The following MAGED1 variants were observed in gnomAD, a reference collection of about 807,000 sequenced individuals.
MAGED1 encodes MAGE family member D1.
In MAGED1, 3 loss-of-function variants were observed where a neutral mutation model predicts 54.1. That is an observed-to-expected ratio of 0.06 (90% CI 0.03 to 0.14). The LOEUF (loss-of-function observed/expected upper bound fraction) is 0.14, where lower values mean the gene tolerates loss of function less well. Ranked by LOEUF, MAGED1 falls within the 10% of genes least tolerant of loss-of-function variation. The probability of loss-of-function intolerance (pLI) is 1.00; values close to 1 mark genes in which losing one functional copy is unlikely to be tolerated. For synonymous variants in MAGED1, 217 were observed against 227.3 expected, an observed-to-expected ratio of 0.95 and a Z score of 0.41; for missense variants, 485 against 623.4, an observed-to-expected ratio of 0.78 and a Z score of 2.36.
intron 1 of MAGED1, among the ~76,000 whole-genome samples, chrX:51,867,851 C>G (rs1927513331): frequency 8.9e-6 from 1 of 111,889 alleles, no homozygotes; most frequent in African/African-American, 3.2e-5. Context: ...ATTAAGTGTT[C>G]CCTCTAACAT....
rs1927782914 is a variant in MAGED1, at chrX:51,873,994, T to C, written c.-36-20275T>C. ...ACCACTATCTGTAGCTGAGAGAACATGGTAAGAAAAAACAGTTTCTTAGTA... is the reference window on the plus strand; with the variant it reads ...ACCACTATCTGTAGCTGAGAGAACACGGTAAGAAAAAACAGTTTCTTAGTA... On this transcript the variant is annotated intron_variant, in intron 1 of 12. Coordinates refer to the MAGED1 transcript ENST00000375772. Among the ~76,000 whole-genome samples, 5 of 111,313 alleles carry C rather than the reference T, an allele frequency of 4.5e-5. No homozygotes were observed. In the Admixed American group the frequency reaches 4.8e-4, roughly 11 times the overall value.
At chrX:51,869,580 G>A (rs781839114) in intron 1 of MAGED1, among the ~76,000 whole-genome samples, 53 of 110,807 alleles carry the variant, frequency 4.8e-4, no homozygotes, top group African/African-American at 1.6e-3. Context: ...TTAAGAGACA[G>A]GGTATCCGCC....
intron 1 of MAGED1, among the ~76,000 whole-genome samples, chrX:51,866,073 G>C: frequency 8.9e-6 from 1 of 111,902 alleles, no homozygotes; most frequent in Middle Eastern, 4.6e-3. Context: ...GCAGTCTCAG[G>C]AATTTCCTTA....
intron 1 of MAGED1, among the ~76,000 whole-genome samples, chrX:51,876,473 A>G (rs782768339): frequency 1.8e-5 from 2 of 110,899 alleles, no homozygotes; most frequent in Non-Finnish European, 3.8e-5. Flanking sequence ...GACTCCCCCA[A>G]TCTGTGTAAG....
At chrX:51,897,368 C>G in intron 5 of MAGED1, 97 bp downstream of exon 5, 2 of 885,864 alleles carry the variant, frequency 2.3e-6, no homozygotes, top group South Asian at 4.3e-5. Flanking sequence ...TCCCTTCACT[C>G]CATGCTCTGT....
chrX:51,833,524 A>C (rs185389096), intron 1 of MAGED1, among the ~76,000 whole-genome samples: 33 of 111,612 alleles, frequency 3.0e-4, no homozygotes, highest in African/African-American at 9.4e-4. Flanking sequence ...CTTGTAACTA[A>C]ATTATGTTTG....
chrX:51,893,979 T>C (rs1928575151), intron 1 of MAGED1, among the ~76,000 whole-genome samples: 1 of 109,517 alleles, frequency 9.1e-6, no homozygotes, highest in African/African-American at 3.3e-5. Flanking sequence ...TGATTCCTCC[T>C]GACTCAAAAC....
intron 1 of MAGED1, among the ~76,000 whole-genome samples, chrX:51,868,281 G>A (rs1397038164): frequency 1.8e-5 from 2 of 109,940 alleles, no homozygotes; most frequent in African/African-American, 6.7e-5. Context: ...GTGTGTGTTT[G>A]TGTGTGTGTG....
intron 1 of MAGED1, among the ~76,000 whole-genome samples, chrX:51,826,840 TG>T (rs1557356996): frequency 8.9e-6 from 1 of 112,432 alleles, no homozygotes; most frequent in African/African-American, 3.2e-5. Flanking sequence ...CAAAACTAAA[TG>T]TAGTCTTACC....
At chrX:51,865,971 T>G (rs1025561326) in intron 1 of MAGED1, among the ~76,000 whole-genome samples, 1 of 112,049 alleles carries the variant, frequency 8.9e-6, no homozygotes, top group Non-Finnish European at 1.9e-5. Context: ...CCTTCTGCCA[T>G]GATTGTGAGT....
At chrX:51,826,502 A>T (rs1925858084) in intron 1 of MAGED1, among the ~76,000 whole-genome samples, 1 of 111,412 alleles carries the variant, frequency 9.0e-6, no homozygotes, top group Admixed American at 9.6e-5. Flanking sequence ...TCTCCATTGA[A>T]TTACCTTTAT....
intron 1 of MAGED1, among the ~76,000 whole-genome samples, chrX:51,816,525 A>G (rs782070704): frequency 1.8e-5 from 2 of 111,964 alleles, no homozygotes; most frequent in African/African-American, 3.2e-5. Flanking sequence ...AAAATTGCCT[A>G]CAGTATTCAG....
chrX:51,823,623 A>G (rs1385762931), intron 1 of MAGED1, among the ~76,000 whole-genome samples: 1 of 111,670 alleles, frequency 9.0e-6, no homozygotes, highest in Non-Finnish European at 1.9e-5. Context: ...ATTCACATTT[A>G]GTGCAGTTAC....
intron 1 of MAGED1, among the ~76,000 whole-genome samples, chrX:51,830,555 G>GAA (rs1207391016): frequency 1.0e-5 from 1 of 99,191 alleles, no homozygotes. Context: ...GAGGAAAGAG[G>GAA]AAAAAAAAAA....
At chrX:51,899,939 A>G in intron 10 of MAGED1, 1 of 318,200 alleles carries the variant, frequency 3.1e-6, no homozygotes, top group Non-Finnish European at 5.5e-6. Context: ...AAGGAGTGAA[A>G]GGAAATGTTG....
intron 1 of MAGED1, among the ~76,000 whole-genome samples, chrX:51,821,551 G>A (rs1557356529): frequency 1.8e-5 from 2 of 110,738 alleles, no homozygotes; most frequent in African/African-American, 3.3e-5. Flanking sequence ...CCACCTTGCC[G>A]GATAGTTTTT....
chrX:51,822,453 GT>G (rs782601721), intron 1 of MAGED1, among the ~76,000 whole-genome samples: 1 of 110,347 alleles, frequency 9.1e-6, no homozygotes, highest in Non-Finnish European at 1.9e-5. Flanking sequence ...TGTCAATTTT[GT>G]TGATCTTTTG....
chrX:51,860,035 G>A (rs1557360506), intron 1 of MAGED1, among the ~76,000 whole-genome samples: 1 of 111,680 alleles, frequency 9.0e-6, no homozygotes, highest in African/African-American at 3.3e-5. Context: ...GAAGGCCGAG[G>A]CGGGCAGATC....
intron 12 of MAGED1, 33 bp downstream of exon 12, chrX:51,901,971 G>C: frequency 8.6e-7 from 1 of 1,156,612 alleles, no homozygotes; most frequent in Non-Finnish European, 1.2e-6. Context: ...GGCAGTTAGG[G>C]TCTCTGGGGG....
Sources: allele counts gnomAD v4.1 joint callset (sites outside exome capture counted in the v4.1 genomes callset), GRCh38; gene constraint gnomAD v4.1.1; transcripts MANE v1.5; gene names NCBI Gene and HGNC (gene_info 2026-07-23, HGNC 2026-07-21).